RPRD2: variants seen among roughly 807,000 people sequenced by gnomAD.
RPRD2 encodes the protein regulation of nuclear pre-mRNA domain-containing protein 2.
RPRD2 carries 12 observed loss-of-function variants against 104.4 expected under a neutral mutation model. The observed-to-expected ratio is 0.11, with a 90% CI of 0.07 to 0.19. RPRD2 has a LOEUF of 0.19. Among genes scored for constraint, RPRD2 ranks in the 10% least tolerant of loss-of-function variants. RPRD2 has a pLI of 1.00. For missense variants in RPRD2, 1,543 were observed against 1,790.1 expected (o/e 0.86, Z 2.49); for synonymous variants, 714 against 684.9 (o/e 1.04, Z -0.66).
chr1:150,463,383 T>C (rs1553899258), intron 9 of RPRD2, among the ~76,000 whole-genome samples: 2 of 152,158 alleles, frequency 1.3e-5, no homozygotes, highest in East Asian at 1.9e-4. Context: ...TAAATTGATA[T>C]CCAAAAAAGT....
intron 2 of RPRD2, among the ~76,000 whole-genome samples, chr1:150,431,514 C>CTTTTTTTTTTTTTTTT (rs1553891745): frequency 1.4e-5 from 1 of 71,786 alleles, no homozygotes; most frequent in African/African-American, 6.2e-5. Context: ...GGGTTTTGTC[C>CTTTTTTTTTTTTTTTT]TTGTTGCCCT....
rs1299528000 is a variant in RPRD2 at position 150,473,464 on chromosome 1, C to G, written c.*130C>G. On this transcript the variant is annotated 3_prime_UTR_variant, in exon 11 of 11. Transcript: ENST00000369068. Reference sequence around the variant, plus strand: ...TTTATTATAACAAAGGGCCTCTCTTCCAAAGTAAGAAATCACATACGCTTA... The same window carrying G: ...TTTATTATAACAAAGGGCCTCTCTTGCAAAGTAAGAAATCACATACGCTTA... 1 of 816,774 alleles carries G rather than the reference C, an allele frequency of 1.2e-6. No homozygotes were observed. The highest frequency in any genetic ancestry group is 1.8e-6 in the Non-Finnish European group (1 of 551,990). 50.6% of individuals were successfully genotyped at this position (816,774 alleles called of 1,614,324 possible). A position where few individuals can be genotyped will look rare whatever the true frequency, so the allele number is the denominator to read the frequency against.
intron 1 of RPRD2, among the ~76,000 whole-genome samples, chr1:150,385,317 CA>C (rs1377753004): frequency 6.8e-5 from 10 of 147,304 alleles, no homozygotes; most frequent in South Asian, 2.2e-4. Flanking sequence ...CCACCCCCAC[CA>C]AAAAAAAAAT....
chr1:150,408,931 C>T (rs887732098), intron 1 of RPRD2: 8 of 152,172 alleles, frequency 5.3e-5, no homozygotes, highest in African/African-American at 1.4e-4. Context: ...TCTTTGGACT[C>T]TCGTGCTGAT....
rs762522913 is a variant in RPRD2 at position 150,472,793 on chromosome 1, G to A, written c.3845G>A (p.Ser1282Asn). 1.9e-6 allele frequency: 3 copies of A among 1,611,280 alleles called. No individual in the cohort carries two copies. In the East Asian group the frequency reaches 6.7e-5, roughly 36 times the overall value. Residue 1282 changes from serine (S) to asparagine (N), a missense_variant, in exon 11 of 11, where the codon AGT becomes AAT. Transcript: ENST00000369068. Reference sequence around the variant, plus strand: ...CCCCCTCCTGGGGAACATAGCAGCAGTGGTGGGAGTGGTGTCCCCTTTTCT... The same window carrying A: ...CCCCCTCCTGGGGAACATAGCAGCAATGGTGGGAGTGGTGTCCCCTTTTCT... ...PPPPPGEHSS[S>N]GGSGVPFSTP...
chr1:150,388,481 A>G (rs1553882506), intron 1 of RPRD2, among the ~76,000 whole-genome samples: 1 of 103,346 alleles, frequency 9.7e-6, no homozygotes, highest in African/African-American at 3.4e-5. Flanking sequence ...CACATACACT[A>G]TATATATATA....
intron 8 of RPRD2, among the ~76,000 whole-genome samples, chr1:150,459,724 C>T (rs1667792503): frequency 6.6e-6 from 1 of 151,674 alleles, no homozygotes; most frequent in Non-Finnish European, 1.5e-5. Flanking sequence ...TCTGTAGTAG[C>T]TGGGATTATA....
intron 2 of RPRD2, among the ~76,000 whole-genome samples, chr1:150,424,353 G>A (rs1479795611): frequency 1.3e-5 from 2 of 151,690 alleles, no homozygotes; most frequent in African/African-American, 2.4e-5. Context: ...GCAGCGGCAC[G>A]ATCTCGGCTC....
intron 2 of RPRD2, among the ~76,000 whole-genome samples, chr1:150,417,939 T>TTTCC (rs781858878): frequency 1.3e-5 from 2 of 151,600 alleles, no homozygotes; most frequent in Non-Finnish European, 2.9e-5. Context: ...TCTTTCTTCC[T>TTTCC]TTCCTTTCCT....
chr1:150,433,880 T>TAC (rs67652983), intron 2 of RPRD2, among the ~76,000 whole-genome samples: 6 of 24,926 alleles, frequency 2.4e-4, no homozygotes, highest in South Asian at 6.0e-4. Context: ...TATATATAGT[T>TAC]ATATTATGTG....
At chr1:150,442,686 G>T (rs1666487202) in intron 4 of RPRD2, among the ~76,000 whole-genome samples, 1 of 152,142 alleles carries the variant, frequency 6.6e-6, no homozygotes, top group Admixed American at 6.6e-5. Flanking sequence ...GTCATAAGTT[G>T]CATGCTTAGG....
chr1:150,443,387 G>A (rs185177407), intron 5 of RPRD2, 104 bp downstream of exon 5: 2 of 857,134 alleles, frequency 2.3e-6, no homozygotes, highest in East Asian at 5.5e-5. Context: ...AATTACACAT[G>A]TCATGTTTTA....
intron 1 of RPRD2, among the ~76,000 whole-genome samples, chr1:150,404,491 C>A (rs1206380245): frequency 6.6e-6 from 1 of 152,050 alleles, no homozygotes; most frequent in Admixed American, 6.6e-5. Flanking sequence ...GGCATTCCTC[C>A]TGCCTCGCTC....
At chr1:150,394,242 G>GT (rs1662315392) in intron 1 of RPRD2, among the ~76,000 whole-genome samples, 1 of 152,008 alleles carries the variant, frequency 6.6e-6, no homozygotes, top group Admixed American at 6.6e-5. Context: ...TAGAGACAGG[G>GT]TTTCTTCATG....
intron 2 of RPRD2, among the ~76,000 whole-genome samples, chr1:150,432,269 A>G (rs1489317587): frequency 2.0e-5 from 3 of 152,150 alleles, no homozygotes; most frequent in Non-Finnish European, 4.4e-5. Flanking sequence ...ACAAAAGGAC[A>G]AATATTGTAT....
At chr1:150,445,117 G>A (rs1040484484) in intron 6 of RPRD2, among the ~76,000 whole-genome samples, 1 of 152,194 alleles carries the variant, frequency 6.6e-6, no homozygotes, top group Admixed American at 6.5e-5. Flanking sequence ...ACCCCAGGAG[G>A]CTGTAGTGAA....
intron 2 of RPRD2, among the ~76,000 whole-genome samples, chr1:150,425,427 T>C (rs1247061584): frequency 1.3e-5 from 2 of 152,084 alleles, no homozygotes; most frequent in Non-Finnish European, 2.9e-5. Context: ...GTGGATCACC[T>C]GAGGTCAGGA....
intron 2 of RPRD2, among the ~76,000 whole-genome samples, chr1:150,426,009 G>A (rs1665096293): frequency 6.6e-6 from 1 of 152,184 alleles, no homozygotes; most frequent in African/African-American, 2.4e-5. Flanking sequence ...GCTGAAGCAG[G>A]AGGATCGCTT....
chr1:150,455,781 A>C (rs1262966390), intron 7 of RPRD2, among the ~76,000 whole-genome samples: 6 of 152,166 alleles, frequency 3.9e-5, no homozygotes, highest in Non-Finnish European at 7.4e-5. Context: ...CTATCTTTGC[A>C]ATGATTTTCT....
Sources: gnomAD v4.1 joint callset for allele counts (sites outside exome capture counted in the v4.1 genomes callset) on GRCh38, gnomAD v4.1.1 for gene constraint, MANE v1.5 for transcripts, NCBI Gene and HGNC (gene_info 2026-07-23, HGNC 2026-07-21) for gene names.